Variants in PACRG observed in about 807,000 individuals in gnomAD.
The protein encoded by PACRG is parkin coregulated, also known as parkin coregulated gene protein.
Under a neutral mutation model 29.7 loss-of-function variants are expected in PACRG, and 29 were observed. The observed-to-expected ratio is 0.98, with a 90% CI of 0.73 to 1.33. The LOEUF is 1.33. Ranked by LOEUF, PACRG falls within the 40% of genes most tolerant of loss-of-function variation. The probability of loss-of-function intolerance (pLI) is 0.00; values close to 1 mark genes in which losing one functional copy is unlikely to be tolerated. For missense variants in PACRG, 279 were observed against 316.2 expected (o/e 0.88, Z 0.89); for synonymous variants, 116 against 118.7 (o/e 0.98, Z 0.15).
At chr6:163,123,946 T>C (rs1816409437) in intron 4 of PACRG, among the ~76,000 whole-genome samples, 1 of 152,244 alleles carries the variant, frequency 6.6e-6, no homozygotes, top group South Asian at 2.1e-4. Flanking sequence ...GCAGGGAACA[T>C]GGGAGTGCAG....
intron 4 of PACRG, among the ~76,000 whole-genome samples, chr6:163,201,638 A>T (rs1780703317): frequency 6.6e-6 from 1 of 152,202 alleles, no homozygotes. Flanking sequence ...GGCAGAAAGG[A>T]ACAAGTCATG....
intron 2 of PACRG, among the ~76,000 whole-genome samples, chr6:162,881,077 CAG>C (rs1315632245): frequency 6.6e-6 from 1 of 152,198 alleles, no homozygotes; most frequent in East Asian, 1.9e-4. Context: ...GCAATGGTAT[CAG>C]GGAATAAAAC....
Position 162,788,096 on chromosome 6 carries a change from C to T in PACRG, c.157-26051C>T, listed in dbSNP as rs115256726. On this transcript the variant is annotated intron_variant, in intron 1 of 4. Transcript: ENST00000366888. ...AGTCTGAGTTTTGACAGATAAATAACGACATTTTCCACCATTACGTATCAT... is the reference window on the plus strand; with the variant it reads ...AGTCTGAGTTTTGACAGATAAATAATGACATTTTCCACCATTACGTATCAT... Among the ~76,000 whole-genome samples the T allele has an allele frequency of 8.4e-3, 1,273 of 152,128 alleles. 20 individuals carry two copies. The highest frequency in any genetic ancestry group is 0.029 in the African/African-American group (1,203 of 41,508).
At chr6:162,892,836 C>A (rs1292171989) in intron 2 of PACRG, among the ~76,000 whole-genome samples, 3 of 152,044 alleles carry the variant, frequency 2.0e-5, no homozygotes, top group Admixed American at 2.0e-4. Context: ...TGACATAGGG[C>A]ACACTAATTT....
chr6:163,280,053 G>A (rs1043642659), intron 4 of PACRG, among the ~76,000 whole-genome samples: 27 of 152,280 alleles, frequency 1.8e-4, no homozygotes, highest in African/African-American at 5.1e-4. Flanking sequence ...GTTTTCGCTC[G>A]GGTCTGCTGC....
chr6:162,752,646 C>T (rs10945861), intron 1 of PACRG, among the ~76,000 whole-genome samples: 60,630 of 152,026 alleles, frequency 0.4, 12,468 homozygotes, highest in South Asian at 0.61. Flanking sequence ...ACTTTAAACC[C>T]TGGCTGAAAA....
At chr6:163,113,131 G>T (rs886757499) in intron 4 of PACRG, among the ~76,000 whole-genome samples, 1 of 152,164 alleles carries the variant, frequency 6.6e-6, no homozygotes, top group Non-Finnish European at 1.5e-5. Context: ...GGATACAAAA[G>T]CATGTTAGAG....
intron 2 of PACRG, among the ~76,000 whole-genome samples, chr6:162,842,424 C>A (rs1002757757): frequency 1.3e-5 from 2 of 151,630 alleles, no homozygotes; most frequent in African/African-American, 4.9e-5. Flanking sequence ...GCAGCCCCTG[C>A]CTTTTTTTGT....
chr6:163,019,758 A>G (rs1806441436), intron 2 of PACRG, among the ~76,000 whole-genome samples: 1 of 152,146 alleles, frequency 6.6e-6, no homozygotes, highest in Admixed American at 6.5e-5. Flanking sequence ...GTTCTTCTGT[A>G]TATAGGTTTT....
chr6:162,899,454 A>C (rs893644630), intron 2 of PACRG, among the ~76,000 whole-genome samples: 1 of 152,166 alleles, frequency 6.6e-6, no homozygotes, highest in Middle Eastern at 3.2e-3. Context: ...CAAAATTGCA[A>C]GATCTCCAAG....
At chr6:163,161,521 G>C (rs116679218) in intron 4 of PACRG, among the ~76,000 whole-genome samples, 2,467 of 152,196 alleles carry the variant, frequency 0.016, 68 homozygotes, top group African/African-American at 0.055. Flanking sequence ...ATGGACATTA[G>C]GTTATTTTGA....
chr6:162,857,676 T>C (rs1373885743), intron 2 of PACRG, among the ~76,000 whole-genome samples: 2 of 152,150 alleles, frequency 1.3e-5, no homozygotes, highest in African/African-American at 4.8e-5. Flanking sequence ...ACAATGTGGC[T>C]ATTTGAAAAA....
At chr6:163,132,305 A>G (rs996751506) in intron 4 of PACRG, among the ~76,000 whole-genome samples, 1 of 152,192 alleles carries the variant, frequency 6.6e-6, no homozygotes, top group Non-Finnish European at 1.5e-5. Flanking sequence ...TTAATCAATC[A>G]CCTTTTTAAG....
chr6:163,197,570 A>G (rs985147304), intron 4 of PACRG, among the ~76,000 whole-genome samples: 9 of 149,978 alleles, frequency 6.0e-5, no homozygotes, highest in African/African-American at 2.0e-4. Flanking sequence ...CAGCCTCCCA[A>G]GTATCTGGGA....
intron 4 of PACRG, among the ~76,000 whole-genome samples, chr6:163,179,598 C>T (rs1003789992): frequency 2.0e-5 from 3 of 151,330 alleles, no homozygotes; most frequent in African/African-American, 4.9e-5. Flanking sequence ...CCCTGCTACT[C>T]GGGAGGCCGA....
intron 4 of PACRG, among the ~76,000 whole-genome samples, chr6:163,233,468 C>T (rs1298351999): frequency 6.6e-6 from 1 of 152,196 alleles, no homozygotes; most frequent in Non-Finnish European, 1.5e-5. Context: ...CTAAATTACC[C>T]TGTGTGGCTA....
At chr6:162,834,837 C>T (rs1789083730) in intron 2 of PACRG, among the ~76,000 whole-genome samples, 1 of 151,946 alleles carries the variant, frequency 6.6e-6, no homozygotes, top group African/African-American at 2.4e-5. Context: ...TTATCATGTC[C>T]TAATGCCAAA....
intron 4 of PACRG, among the ~76,000 whole-genome samples, chr6:163,208,830 A>G (rs1413916700): frequency 6.6e-6 from 1 of 152,238 alleles, no homozygotes; most frequent in Non-Finnish European, 1.5e-5. Flanking sequence ...AGAAAAAGAA[A>G]ACAAAGTACC....
At chr6:163,106,778 C>T (rs1585221729) in intron 4 of PACRG, among the ~76,000 whole-genome samples, 1 of 152,300 alleles carries the variant, frequency 6.6e-6, no homozygotes, top group South Asian at 2.1e-4. Context: ...AATAGTTTGT[C>T]CTTTGTGTGA....
Sources: gnomAD v4.1 joint callset for allele counts (sites outside exome capture counted in the v4.1 genomes callset) on GRCh38, gnomAD v4.1.1 for gene constraint, MANE v1.5 for transcripts, NCBI Gene and HGNC (gene_info 2026-07-23, HGNC 2026-07-21) for gene names.